Variants in STXBP6 observed in about 807,000 individuals in gnomAD.
The protein encoded by STXBP6 is syntaxin-binding protein 6.
STXBP6 carries 21 observed loss-of-function variants against 26.9 expected under a neutral mutation model. The observed-to-expected ratio is 0.78, with a 90% CI of 0.55 to 1.12. STXBP6 has a LOEUF of 1.12. STXBP6 is among the 50% of genes most tolerant of loss of function. The pLI, the probability that STXBP6 is intolerant of heterozygous loss-of-function variation, is 0.00. For missense variants in STXBP6, 232 were observed against 257.9 expected (o/e 0.90, Z 0.69); for synonymous variants, 97 against 92.6 (o/e 1.05, Z -0.27).
intron 2 of STXBP6, among the ~76,000 whole-genome samples, chr14:24,888,998 T>C (rs1185389594): frequency 6.6e-6 from 1 of 151,972 alleles, no homozygotes; most frequent in Non-Finnish European, 1.5e-5. Flanking sequence ...TACAGGCAGA[T>C]TAGAAAACCC....
chr14:24,989,843 T>C (rs2074421375), intron 1 of STXBP6, among the ~76,000 whole-genome samples: 1 of 152,240 alleles, frequency 6.6e-6, no homozygotes, highest in African/African-American at 2.4e-5. Flanking sequence ...AGGTGTAGCC[T>C]TCTGCCCTTT....
intron 2 of STXBP6, among the ~76,000 whole-genome samples, chr14:24,863,921 C>CT (rs1304067976): frequency 5.3e-5 from 8 of 152,114 alleles, no homozygotes; most frequent in Admixed American, 5.2e-4. Flanking sequence ...TATAACATGT[C>CT]TGTTTCATGT....
At chr14:24,938,872 TTGCTCTATTAAACCATTG>T (rs1566493440) in intron 2 of STXBP6, among the ~76,000 whole-genome samples, 1 of 152,074 alleles carries the variant, frequency 6.6e-6, no homozygotes, top group Non-Finnish European at 1.5e-5. Flanking sequence ...TGTATTCAAC[TTGCTCTATTAAACCATTG>T]TGGCAGTACA....
chr14:24,864,690 T>C (rs1425118217), intron 2 of STXBP6, among the ~76,000 whole-genome samples: 2 of 152,120 alleles, frequency 1.3e-5, no homozygotes, highest in Non-Finnish European at 2.9e-5. Flanking sequence ...ATGGACTAGA[T>C]ACTAAACATA....
chr14:24,946,708 G>A (rs2073005393), intron 2 of STXBP6, among the ~76,000 whole-genome samples: 1 of 152,214 alleles, frequency 6.6e-6, no homozygotes. Flanking sequence ...AAGAAAGGGA[G>A]AAGAAGAGAG....
At chr14:24,900,076 A>G (rs1378988263) in intron 2 of STXBP6, among the ~76,000 whole-genome samples, 2 of 152,236 alleles carry the variant, frequency 1.3e-5, no homozygotes, top group African/African-American at 2.4e-5. Context: ...AAACACTAAG[A>G]AAGATTAAAA....
chr14:25,039,465 T>A (rs1471558280), intron 1 of STXBP6, among the ~76,000 whole-genome samples: 1 of 152,210 alleles, frequency 6.6e-6, no homozygotes, highest in East Asian at 1.9e-4. Flanking sequence ...TGACTGTCTT[T>A]GTATAAATTG....
At chr14:24,865,710 C>T (rs1364382043) in intron 2 of STXBP6, among the ~76,000 whole-genome samples, 1 of 152,154 alleles carries the variant, frequency 6.6e-6, no homozygotes, top group Non-Finnish European at 1.5e-5. Context: ...AGTCCTGCTT[C>T]ATTAGTGAGG....
intron 2 of STXBP6, among the ~76,000 whole-genome samples, chr14:24,937,501 C>T (rs1277702440): frequency 6.6e-6 from 1 of 152,266 alleles, no homozygotes; most frequent in Non-Finnish European, 1.5e-5. Context: ...ACAATATGAG[C>T]AGTTATGCCC....
chr14:24,999,741 T>C (rs1206494784), intron 1 of STXBP6, among the ~76,000 whole-genome samples: 2 of 151,980 alleles, frequency 1.3e-5, no homozygotes, highest in Admixed American at 1.3e-4. Flanking sequence ...AGAGTTGCAA[T>C]ATATAGACAG....
At chr14:24,842,866 T>A (rs1002871609) in intron 4 of STXBP6, among the ~76,000 whole-genome samples, 4 of 152,172 alleles carry the variant, frequency 2.6e-5, no homozygotes, top group Non-Finnish European at 5.9e-5. Flanking sequence ...CTTCTGCAGT[T>A]TTACTTAATC....
chr14:24,980,597 G>T (rs2074164269), intron 1 of STXBP6, among the ~76,000 whole-genome samples: 2 of 152,180 alleles, frequency 1.3e-5, no homozygotes, highest in African/African-American at 4.8e-5. Flanking sequence ...ATCACTTCAA[G>T]TTCAATCACT....
At chr14:24,871,062 GTT>G (rs572280764) in intron 2 of STXBP6, among the ~76,000 whole-genome samples, 2 of 145,284 alleles carry the variant, frequency 1.4e-5, no homozygotes, top group African/African-American at 5.0e-5. Flanking sequence ...TTTGAAACAT[GTT>G]TTTTTTTTTT....
At chr14:24,924,819 A>T (rs192196491) in intron 2 of STXBP6, among the ~76,000 whole-genome samples, 27 of 152,342 alleles carry the variant, frequency 1.8e-4, no homozygotes, top group African/African-American at 6.3e-4. Flanking sequence ...GTGACAAGCT[A>T]GAGGTACTCA....
chr14:25,011,759 CA>C (rs2075037359), intron 1 of STXBP6, among the ~76,000 whole-genome samples: 1 of 151,952 alleles, frequency 6.6e-6, no homozygotes, highest in African/African-American at 2.4e-5. Flanking sequence ...CAGCCAACTA[CA>C]GGATGAAAAA....
intron 2 of STXBP6, among the ~76,000 whole-genome samples, chr14:24,936,017 T>C (rs1269854499): frequency 1.3e-5 from 2 of 152,202 alleles, no homozygotes; most frequent in Admixed American, 1.3e-4. Flanking sequence ...TGACTCTTCC[T>C]TGACTTAACA....
intron 2 of STXBP6, among the ~76,000 whole-genome samples, chr14:24,857,872 A>C (rs1018578712): frequency 2.0e-5 from 3 of 152,024 alleles, no homozygotes; most frequent in Non-Finnish European, 4.4e-5. Context: ...GAAGCCAAGC[A>C]TCAGGCACCA....
At chr14:24,856,176 A>G in intron 3 of STXBP6, 75 bp from the exon 4 acceptor site, 1 of 1,401,496 alleles carries the variant, frequency 7.1e-7, no homozygotes, top group Non-Finnish European at 9.5e-7. Context: ...CTGTCAAAAG[A>G]TTTATAAGGG....
chr14:24,812,716 T>C lies in STXBP6; in HGVS notation c.626A>G (p.Lys209Arg). 1 of 1,613,832 alleles carries C rather than the reference T, an allele frequency of 6.2e-7. No homozygotes were observed. The highest frequency in any genetic ancestry group is 8.5e-7 in the Non-Finnish European group (1 of 1,179,796). Residue 209 changes from lysine to arginine, a missense_variant, in exon 6 of 6, where the codon AAA becomes AGA. Physicochemically the swap from Lys to Arg is conservative, Grantham distance 26 (BLOSUM62 2). Coordinates refer to ENST00000323944, the MANE Select transcript of STXBP6 (RefSeq NM_001394410.1). ...ACCAGGATAGGCAGTTTCTCAACAT[T>C]TGTGCTTCATGGCAAGCTAAGGAGA... ...ETAHKLAMKH[K>R]C
Sources: allele counts gnomAD v4.1 joint callset (sites outside exome capture counted in the v4.1 genomes callset), GRCh38; gene constraint gnomAD v4.1.1; transcripts MANE v1.5; gene names NCBI Gene and HGNC (gene_info 2026-07-23, HGNC 2026-07-21).